Variants in FA2H observed in about 807,000 individuals in gnomAD.
The protein encoded by FA2H is fatty acid 2-hydroxylase, also known as fatty acid alpha-hydroxylase.
A neutral mutation model predicts 44.9 loss-of-function variants in FA2H; 22 were observed. That is an observed-to-expected ratio of 0.49 (90% CI 0.35 to 0.70). The LOEUF is 0.70. Among genes scored for constraint, FA2H ranks in the 30% least tolerant of loss-of-function variants. FA2H has a pLI of 0.01. For missense variants in FA2H, 501 were observed against 504.9 expected, an observed-to-expected ratio of 0.99 and a Z score of 0.07; for synonymous variants, 243 against 213.2, an observed-to-expected ratio of 1.14 and a Z score of -1.22.
At chr16:74,719,806 T>C (rs1292248662) in intron 4 of FA2H, among the ~76,000 whole-genome samples, 1 of 152,114 alleles carries the variant, frequency 6.6e-6, no homozygotes, top group Non-Finnish European at 1.5e-5. Context: ...TTCTCTCGCC[T>C]TGGCCTCCCA....
intron 1 of FA2H, among the ~76,000 whole-genome samples, chr16:74,766,973 G>T (rs1309753848): frequency 6.6e-6 from 1 of 151,928 alleles, no homozygotes; most frequent in African/African-American, 2.4e-5. Flanking sequence ...AGAGTTCTAG[G>T]TCTCGATCTG....
At chr16:74,750,348 G>C (rs1391926502) in intron 1 of FA2H, among the ~76,000 whole-genome samples, 3 of 152,130 alleles carry the variant, frequency 2.0e-5, no homozygotes, top group African/African-American at 7.2e-5. Context: ...ATTTTTAAAA[G>C]GAGAATCAAG....
intron 1 of FA2H, among the ~76,000 whole-genome samples, chr16:74,750,669 G>A (rs1196241220): frequency 2.0e-5 from 3 of 152,118 alleles, no homozygotes; most frequent in Admixed American, 6.5e-5. Context: ...GGATGTTTAT[G>A]CTTAGAAAGA....
rs921083159 is a variant in FA2H, at chr16:74,771,149, A to G, written c.270+3337T>C. ...AGCCACCGCAAACCTGTCAGTCTCAACCTCTCTTATTTCCTGCACTCAGTT... is the reference window on the plus strand; with the variant it reads ...AGCCACCGCAAACCTGTCAGTCTCAGCCTCTCTTATTTCCTGCACTCAGTT... On this transcript the variant is annotated intron_variant, in intron 1 of 6. Transcript: ENST00000219368. 5.9e-5 allele frequency among the ~76,000 whole-genome samples: 9 copies of G among 152,060 alleles called. No individual in the cohort carries two copies. The Middle Eastern group carries it at 0.01, about 172-fold the overall frequency.
intron 1 of FA2H, among the ~76,000 whole-genome samples, chr16:74,767,921 T>C (rs753159523): frequency 6.6e-6 from 1 of 152,098 alleles, no homozygotes; most frequent in Non-Finnish European, 1.5e-5. Flanking sequence ...GTGTCACCAG[T>C]TGCTGCCAGG....
chr16:74,762,168 G>C (rs1267054094), intron 1 of FA2H, among the ~76,000 whole-genome samples: 2 of 152,034 alleles, frequency 1.3e-5, no homozygotes, highest in Non-Finnish European at 2.9e-5. Context: ...TCAGCCGCCT[G>C]AGTAGGTGGG....
Position 74,727,363 on chromosome 16 carries a change from A to C in FA2H, c.387T>G (p.Pro129=), listed in dbSNP as rs561163080. The C allele has an allele frequency of 6.2e-7, 1 of 1,614,248 alleles. No individual in the cohort carries two copies. Among genetic ancestry groups the C allele is most frequent in the South Asian group, 1.1e-5 (1 of 91,088 alleles). The change falls in exon 3 of 7, where the codon CCT becomes CCG. Residue 129 remains proline, a synonymous_variant. Transcript: ENST00000219368. ...CCAAGTGGCCCACCTGCCACAGGAGAGGCTTTCGCCAGTCCACCAGGTCCT... is the reference window on the plus strand; with the variant it reads ...CCAAGTGGCCCACCTGCCACAGGAGCGGCTTTCGCCAGTCCACCAGGTCCT... The part of the protein sequence containing the change: ...WDKDLVDWRK[P]LLWQVGHLGE...
At chr16:74,740,904 C>A (rs1962283579) in intron 1 of FA2H, among the ~76,000 whole-genome samples, 1 of 152,080 alleles carries the variant, frequency 6.6e-6, no homozygotes, top group South Asian at 2.1e-4. Flanking sequence ...CTTCTAGGGC[C>A]ACATACCCAC....
intron 1 of FA2H, 120 bp downstream of exon 1, chr16:74,774,366 G>C: frequency 2.1e-6 from 2 of 944,116 alleles, no homozygotes; most frequent in South Asian, 4.2e-5. Flanking sequence ...GAAAGCGAGG[G>C]AAGGGAGGGC....
intron 1 of FA2H, among the ~76,000 whole-genome samples, chr16:74,768,192 A>G (rs777332016): frequency 6.6e-6 from 1 of 152,218 alleles, no homozygotes; most frequent in Non-Finnish European, 1.5e-5. Flanking sequence ...AATTACTCTC[A>G]TGTATTTCTA....
chr16:74,719,697 C>A (rs1009179808), intron 4 of FA2H, among the ~76,000 whole-genome samples: 8 of 152,018 alleles, frequency 5.3e-5, no homozygotes, highest in African/African-American at 1.9e-4. Flanking sequence ...GCCACCGCAC[C>A]CAGCTAATTT....
chr16:74,735,018 C>G (rs1962153716), intron 2 of FA2H, among the ~76,000 whole-genome samples: 1 of 152,352 alleles, frequency 6.6e-6, no homozygotes, highest in African/African-American at 2.4e-5. Context: ...CGCTGGTCAG[C>G]TGGGGCTCAG....
At chr16:74,763,816 A>G (rs1007176783) in intron 1 of FA2H, among the ~76,000 whole-genome samples, 1 of 152,248 alleles carries the variant, frequency 6.6e-6, no homozygotes, top group Non-Finnish European at 1.5e-5. Flanking sequence ...ACTTTCATGA[A>G]TGAAATTGGT....
chr16:74,741,806 A>ATG (rs1482714202), intron 1 of FA2H, among the ~76,000 whole-genome samples: 221 of 60,712 alleles, frequency 3.6e-3, no homozygotes, highest in South Asian at 0.02. Flanking sequence ...ATATATATAT[A>ATG]TATGTGTGTG....
intron 1 of FA2H, among the ~76,000 whole-genome samples, chr16:74,745,401 G>A (rs769856466): frequency 6.6e-6 from 1 of 152,228 alleles, no homozygotes; most frequent in African/African-American, 2.4e-5. Context: ...GACTCTGAGA[G>A]CCCTCCCCAA....
chr16:74,741,773 AATATATATATATATATATATAT>A (rs57773726), intron 1 of FA2H, among the ~76,000 whole-genome samples: 14 of 48,060 alleles, frequency 2.9e-4, no homozygotes, highest in South Asian at 7.9e-4. Context: ...CACCTGATTA[AATATATATATATATATATATAT>A]ATATATATAT....
chr16:74,725,534 A>C (rs1175446522), intron 4 of FA2H, among the ~76,000 whole-genome samples: 1 of 152,158 alleles, frequency 6.6e-6, no homozygotes, highest in Non-Finnish European at 1.5e-5. Context: ...GCTGGGGCGC[A>C]CCTGGTATCC....
At chr16:74,765,193 G>C (rs1164946568) in intron 1 of FA2H, among the ~76,000 whole-genome samples, 2 of 144,638 alleles carry the variant, frequency 1.4e-5, no homozygotes, top group Non-Finnish European at 3.0e-5. Flanking sequence ...TCTCGCTCTT[G>C]TCCCCCAGGC....
At chr16:74,760,320 C>T (rs758419417) in intron 1 of FA2H, among the ~76,000 whole-genome samples, 8 of 152,170 alleles carry the variant, frequency 5.3e-5, no homozygotes, top group Non-Finnish European at 1.2e-4. Context: ...TTTGCAGGCC[C>T]TAATGCTCAT....
Sources: allele counts gnomAD v4.1 joint callset (sites outside exome capture counted in the v4.1 genomes callset), GRCh38; gene constraint gnomAD v4.1.1; transcripts MANE v1.5; gene names NCBI Gene and HGNC (gene_info 2026-07-23, HGNC 2026-07-21).